OC90: variants seen among roughly 807,000 people sequenced by gnomAD.
OC90 encodes otoconin-90.
In OC90, 46 loss-of-function variants were observed where a neutral mutation model predicts 47.3. The ratio of observed to expected loss-of-function variants is 0.97; its 90% CI spans 0.77 to 1.24. The LOEUF (loss-of-function observed/expected upper bound fraction) is 1.24. Ranked by LOEUF, OC90 falls within the 50% of genes most tolerant of loss-of-function variation. The pLI is 0.00. For missense variants in OC90, 688 were observed against 583.9 expected (o/e 1.18, Z -1.84); for synonymous variants, 271 against 219.5 (o/e 1.23, Z -2.07).
chr8:132,055,414 C>T (rs1022512603), intron 1 of OC90, among the ~76,000 whole-genome samples: 1 of 152,166 alleles, frequency 6.6e-6, no homozygotes, highest in African/African-American at 2.4e-5. Context: ...TCCAGGAGTG[C>T]AAAGTGAGGA....
rs145924302 is a variant in OC90 at position 132,034,948 on chromosome 8, C to T, written c.680-114G>A. On this transcript the variant is annotated intron_variant, in intron 9 of 13. Coordinates refer to ENST00000254627, the MANE Select transcript of OC90 (RefSeq NM_001080399.3). ...AGGCAGCCATGTGCTCTTCACTCTG[C>T]CCCTGGCCCACTTCCCACCATGAGA... 978 of 696,098 alleles carry T rather than the reference C, an allele frequency of 1.4e-3. 5 individuals carry two copies. In the African/African-American group the frequency reaches 0.016, roughly 11 times the overall value. The allele number at this position is 696,098 out of a possible 1,614,324, so 43.1% of individuals were successfully genotyped here.
At chr8:132,041,187 G>T in intron 5 of OC90, 31 bp from the exon 6 acceptor site, 1 of 1,419,358 alleles carries the variant, frequency 7.0e-7, no homozygotes, top group Non-Finnish European at 1.0e-6. Context: ...GGCAGGGTGA[G>T]AGTGTGGGTT....
In OC90 at chr8:132,052,998, C is replaced by T. The variant is rs749815763; in HGVS notation, c.46+1983G>A. Among the ~76,000 whole-genome samples the T allele has an allele frequency of 3.3e-5, 5 of 152,226 alleles. No individual in the cohort carries two copies. The South Asian group carries it at 1.0e-3, about 32-fold the overall frequency. On this transcript the variant is annotated intron_variant, in intron 2 of 13. Coordinates refer to ENST00000254627, the MANE Select transcript of OC90 (RefSeq NM_001080399.3). ...CCTTGAACTTCATGCTCCGGAGATA[C>T]TGAAAAGCTTAGATTTTCTGGACAG...
intron 8 of OC90, 110 bp downstream of exon 8, chr8:132,038,680 A>T: frequency 1.2e-6 from 1 of 828,964 alleles, no homozygotes; most frequent in Non-Finnish European, 2.0e-6. Context: ...CCAGTGTCAC[A>T]GTCACTCCAG....
chr8:132,024,403 G>T lies in OC90; in HGVS notation c.*78C>A. 8.5e-7 allele frequency: 1 copy of T among 1,180,738 alleles called. No individual in the cohort carries two copies. 73.1% of individuals were successfully genotyped at this position (1,180,738 alleles called of 1,614,324 possible). ...GAAGGGAAGAAGGCTCCAAGGGACA[G>T]AGGAGGCTGAGAGATAAAGAGCTGA... On this transcript the variant is annotated 3_prime_UTR_variant, in exon 14 of 14. Coordinates refer to ENST00000254627, the MANE Select transcript of OC90 (RefSeq NM_001080399.3).
intron 4 of OC90, among the ~76,000 whole-genome samples, chr8:132,042,606 C>T (rs902826888): frequency 6.6e-6 from 1 of 152,156 alleles, no homozygotes; most frequent in Non-Finnish European, 1.5e-5. Context: ...GCTTAGCTCC[C>T]ATTTATAAGT....
rs766997495 is a variant in OC90 at position 132,024,437 on chromosome 8, C to A, written c.*44G>T. On this transcript the variant is annotated 3_prime_UTR_variant, in exon 14 of 14. Coordinates refer to ENST00000254627, the MANE Select transcript of OC90 (RefSeq NM_001080399.3). ...GAGAGATAAAGAGCTGAAGGTGGAG[C>A]AGGAGCCACGCTACTGAAGGTGTTA... The A allele has an allele frequency of 7.0e-7, 1 of 1,432,520 alleles. No individual in the cohort carries two copies. Among genetic ancestry groups the A allele is most frequent in the South Asian group, 1.4e-5 (1 of 72,468 alleles). 88.7% of individuals were successfully genotyped at this position (1,432,520 alleles called of 1,614,324 possible).
chr8:132,041,720 G>T, intron 4 of OC90, 21 bp from the exon 5 acceptor site: 1 of 1,503,922 alleles, frequency 6.6e-7, no homozygotes, highest in Non-Finnish European at 9.2e-7. Context: ...GGGGGGCAGG[G>T]CCTGATAAGC....
At chr8:132,051,407 T>C (rs75679739) in intron 2 of OC90, among the ~76,000 whole-genome samples, 1,826 of 152,362 alleles carry the variant, frequency 0.012, 30 homozygotes, top group South Asian at 0.074. Flanking sequence ...CCTAGGCTAA[T>C]GAGACCTTCC....
chr8:132,028,563 A>AAAGAAAGAAAGAAAGGAAGG (rs1354516292), intron 13 of OC90, among the ~76,000 whole-genome samples: 162 of 31,186 alleles, frequency 5.2e-3, no homozygotes, highest in Middle Eastern at 0.026. Flanking sequence ...AGAAAGAAAG[A>AAAGAAAGAAAGAAAGGAAGG]AAGGAAGGAA....
intron 12 of OC90, among the ~76,000 whole-genome samples, chr8:132,029,877 T>C (rs1822849048): frequency 6.6e-6 from 1 of 152,248 alleles, no homozygotes; most frequent in African/African-American, 2.4e-5. Flanking sequence ...CTACAGTTGC[T>C]ACCCAAATAC....
intron 13 of OC90, 69 bp from the exon 14 acceptor site, chr8:132,024,845 T>TG: frequency 7.2e-7 from 1 of 1,379,456 alleles, no homozygotes; most frequent in Non-Finnish European, 9.9e-7. Context: ...CCCACGGCCC[T>TG]GGCCACCCCT....
In OC90 at chr8:132,024,521, G is replaced by A. The variant is rs1408005566; in HGVS notation, c.1394C>T (p.Ser465Leu). Residue 465 changes from serine to leucine, a missense_variant, in exon 14 of 14, where the codon TCA becomes TTA. Ser to Leu is a moderately radical substitution (Grantham distance 145, BLOSUM62 -2). Coordinates refer to ENST00000254627, the MANE Select transcript of OC90 (RefSeq NM_001080399.3). The part of the protein sequence containing the change: ...LGRAKRFLRK[S>L]LGPLGIGPLH... The stretch of plus-strand genomic sequence containing the variant: ...AGGCCCGATCCCCAAGGGACCCAGT[G>A]ACTTCCGCAGAAACCTCTTGGCTCT... The A allele has an allele frequency of 1.3e-6, 2 of 1,589,976 alleles. No individual in the cohort carries two copies. Among genetic ancestry groups the A allele is most frequent in the Non-Finnish European group, 1.7e-6 (2 of 1,164,892 alleles).
At chr8:132,057,629 TG>T (rs2130867178) in intron 1 of OC90, among the ~76,000 whole-genome samples, 1 of 152,328 alleles carries the variant, frequency 6.6e-6, no homozygotes, top group East Asian at 1.9e-4. Context: ...CACTTAAAAG[TG>T]GCTGACATGG....
intron 12 of OC90, 62 bp from the exon 13 acceptor site, chr8:132,029,241 G>A: frequency 2.4e-6 from 3 of 1,272,464 alleles, no homozygotes; most frequent in Non-Finnish European, 3.4e-6. Flanking sequence ...ACCCCCTCAA[G>A]CACAGCCTGC....
intron 13 of OC90, among the ~76,000 whole-genome samples, chr8:132,027,228 A>G (rs1466390631): frequency 6.6e-6 from 1 of 152,232 alleles, no homozygotes; most frequent in African/African-American, 2.4e-5. Context: ...ACTTCCGTCC[A>G]AGCTGTGAGC....
intron 3 of OC90, among the ~76,000 whole-genome samples, chr8:132,045,127 C>A (rs932849597): frequency 2.0e-5 from 3 of 152,176 alleles, no homozygotes; most frequent in African/African-American, 7.2e-5. Flanking sequence ...TTAAAGAAGG[C>A]CTCCTGGTGG....
chr8:132,024,694 G>T lies in OC90; in HGVS notation c.1221C>A (p.Asn407Lys), dbSNP rs201179013. The change falls in exon 14 of 14, where the codon AAC becomes AAA. Residue 407 changes from asparagine to lysine, a missense_variant. Transcript: ENST00000254627. ...AAECMTSASF[N>K]QSLKSPSRLG... ...GTCTGCTTGGGGACTTGAGGCTTTG[G>T]TTAAAGGAGGCAGAGGTCATGCACT... 6.2e-7 allele frequency: 1 copy of T among 1,613,766 alleles called. No individual in the cohort carries two copies. Among genetic ancestry groups the T allele is most frequent in the Non-Finnish European group, 8.5e-7 (1 of 1,179,802 alleles).
intron 2 of OC90, among the ~76,000 whole-genome samples, chr8:132,049,565 C>A (rs935428267): frequency 1.1e-4 from 16 of 152,098 alleles, no homozygotes; most frequent in African/African-American, 3.9e-4. Context: ...ATCTCCCACC[C>A]TTTCATTCTC....
Sources: allele counts gnomAD v4.1 joint callset (sites outside exome capture counted in the v4.1 genomes callset), GRCh38; gene constraint gnomAD v4.1.1; transcripts MANE v1.5; gene names NCBI Gene and HGNC (gene_info 2026-07-23, HGNC 2026-07-21).